Variants in FGF12 observed in about 807,000 individuals in gnomAD.
The protein encoded by FGF12 is fibroblast growth factor 12B.
In FGF12, 14 loss-of-function variants were observed where a neutral mutation model predicts 23.6. That is an observed-to-expected ratio of 0.59 (90% CI 0.39 to 0.93). FGF12 has a LOEUF of 0.93. FGF12 is among the 40% of genes least tolerant of loss of function. The pLI, the probability that FGF12 is intolerant of heterozygous loss-of-function variation, is 0.00. For synonymous variants in FGF12, 62 were observed against 77.3 expected (o/e 0.80, Z 1.04); for missense variants, 175 against 217.8 (o/e 0.80, Z 1.24).
rs528943302 is a variant in FGF12, at chr3:192,366,449, G to A, written c.14-5911C>T. ...TATCTAGAGAATTAATAGTACTTTT[G>A]ATAACAATGGCTGTATATTGAACCC... On this transcript the variant is annotated intron_variant, in intron 2 of 5. Coordinates refer to ENST00000445105, the MANE Select transcript of FGF12 (RefSeq NM_004113.6). Among the ~76,000 whole-genome samples the A allele has an allele frequency of 2.0e-5, 3 of 152,106 alleles. No homozygotes were observed. The South Asian group carries it at 6.2e-4, about 32-fold the overall frequency.
In FGF12 at chr3:192,168,420, T is replaced by C. The variant is rs369259884; in HGVS notation, c.427+2038A>G. On this transcript the variant is annotated intron_variant, in intron 5 of 5. Coordinates refer to ENST00000445105, the MANE Select transcript of FGF12 (RefSeq NM_004113.6). ...GGAATGTTTTTGTCTGCCTAATCCC[T>C]ACCTCTCATCTCAAATTGCAGGAAC... is the stretch of plus-strand genomic sequence containing the variant. Among the ~76,000 whole-genome samples the C allele has an allele frequency of 1.5e-4, 23 of 152,326 alleles. No homozygotes were observed. The East Asian group carries it at 4.2e-3, about 28-fold the overall frequency.
At chr3:192,478,954 C>T (rs1290983721) in intron 2 of FGF12, among the ~76,000 whole-genome samples, 1 of 152,076 alleles carries the variant, frequency 6.6e-6, no homozygotes, top group Non-Finnish European at 1.5e-5. Flanking sequence ...CACTTTTCTG[C>T]AGAACAGACA....
intron 4 of FGF12, among the ~76,000 whole-genome samples, chr3:192,327,268 A>T (rs1465830240): frequency 6.6e-6 from 1 of 152,188 alleles, no homozygotes; most frequent in Non-Finnish European, 1.5e-5. Flanking sequence ...AGCCATTAAT[A>T]TTGTTACCAT....
chr3:192,258,258 G>T (rs1712530085), intron 4 of FGF12, among the ~76,000 whole-genome samples: 1 of 152,104 alleles, frequency 6.6e-6, no homozygotes, highest in African/African-American at 2.4e-5. Flanking sequence ...AGAAGTTTCA[G>T]ACCAGCATGG....
intron 4 of FGF12, among the ~76,000 whole-genome samples, chr3:192,279,609 T>C (rs1024668598): frequency 1.3e-4 from 20 of 152,226 alleles, no homozygotes; most frequent in Non-Finnish European, 2.5e-4. Flanking sequence ...GCACATGATA[T>C]AGTGAGTGAG....
chr3:192,577,894 A>G (rs909689577), intron 2 of FGF12, among the ~76,000 whole-genome samples: 1 of 152,230 alleles, frequency 6.6e-6, no homozygotes, highest in Non-Finnish European at 1.5e-5. Context: ...AAGCCCTAAA[A>G]GGATGCTTCA....
At chr3:192,270,383 C>T (rs1022931474) in intron 4 of FGF12, among the ~76,000 whole-genome samples, 10 of 152,104 alleles carry the variant, frequency 6.6e-5, no homozygotes, top group African/African-American at 2.2e-4. Flanking sequence ...CATGCTATTC[C>T]ACTATATCAA....
chr3:192,301,897 C>A (rs2108660481), intron 4 of FGF12, among the ~76,000 whole-genome samples: 1 of 152,242 alleles, frequency 6.6e-6, no homozygotes, highest in African/African-American at 2.4e-5. Context: ...AATCCTTTGA[C>A]TGGAGCCCGA....
chr3:192,526,735 C>T (rs1724954611), intron 2 of FGF12, among the ~76,000 whole-genome samples: 1 of 152,058 alleles, frequency 6.6e-6, no homozygotes, highest in Non-Finnish European at 1.5e-5. Flanking sequence ...AAAACTTTAC[C>T]CGAGTTGCAG....
At position 192,514,613 on chromosome 3, in the gene FGF12, A is replaced by G; in HGVS notation, c.14-154075T>C. 1.2e-6 allele frequency: 1 copy of G among 830,440 alleles called. No individual in the cohort carries two copies. The highest frequency in any genetic ancestry group is 1.5e-6 in the Non-Finnish European group (1 of 688,432). 51.4% of individuals were successfully genotyped at this position (830,440 alleles called of 1,614,324 possible). ...GGGCGGCGGAGAGGGCCCCGGAAGA[A>G]GGGAAGGGGGCATTCTGCAGTGTTT... On this transcript the variant is annotated intron_variant, in intron 2 of 5. Transcript: ENST00000445105. The surrounding 1 kb of genome is among the most constrained non-coding windows in gnomAD (Gnocchi z 4.9).
intron 4 of FGF12, among the ~76,000 whole-genome samples, chr3:192,329,078 T>C (rs1044155941): frequency 6.6e-6 from 1 of 152,218 alleles, no homozygotes; most frequent in Non-Finnish European, 1.5e-5. Context: ...TTACTGAGAA[T>C]CTTCCTTTAC....
chr3:192,582,580 G>T (rs1262373278), intron 2 of FGF12, among the ~76,000 whole-genome samples: 1 of 152,054 alleles, frequency 6.6e-6, no homozygotes, highest in Non-Finnish European at 1.5e-5. Context: ...AGTCCTAAGG[G>T]TCAGGAGCTA....
At chr3:192,606,470 T>G (rs1440327621) in intron 2 of FGF12, among the ~76,000 whole-genome samples, 1 of 152,106 alleles carries the variant, frequency 6.6e-6, no homozygotes, top group Non-Finnish European at 1.5e-5. Flanking sequence ...CAAACCTCAG[T>G]ATCACACAAT....
At chr3:192,276,821 T>C (rs1278763749) in intron 4 of FGF12, among the ~76,000 whole-genome samples, 1 of 152,188 alleles carries the variant, frequency 6.6e-6, no homozygotes, top group African/African-American at 2.4e-5. Context: ...TAAGATTCCC[T>C]TTCCAGAGAG....
At chr3:192,146,272 A>ATATATTTTTTTT (rs746233904) in intron 5 of FGF12, among the ~76,000 whole-genome samples, 2 of 143,254 alleles carry the variant, frequency 1.4e-5, no homozygotes, top group African/African-American at 2.6e-5. Context: ...TAAAGTGTAT[A>ATATATTTTTTTT]TTTTTTTTTT....
At chr3:192,267,483 TAAC>T (rs1238945477) in intron 4 of FGF12, among the ~76,000 whole-genome samples, 6 of 152,132 alleles carry the variant, frequency 3.9e-5, no homozygotes, top group African/African-American at 1.4e-4. Flanking sequence ...ATGAGAATAT[TAAC>T]AACATTAGTA....
intron 2 of FGF12, among the ~76,000 whole-genome samples, chr3:192,407,177 A>T (rs1265873801): frequency 6.6e-6 from 1 of 152,150 alleles, no homozygotes; most frequent in African/African-American, 2.4e-5. Flanking sequence ...AAAAGCAATC[A>T]TCTGCGGTCG....
rs370538965 is a variant in FGF12, at chr3:192,142,250, T to C, written c.*1759A>G. 14 of 152,634 alleles carry C rather than the reference T, an allele frequency of 9.2e-5. No homozygotes were observed. In the East Asian group the frequency reaches 2.1e-3, roughly 23 times the overall value. 9.5% of individuals were successfully genotyped at this position (152,634 alleles called of 1,614,324 possible). ...CAGAAATAGGATACCTGGTGAAGGA[T>C]ATGGTCCACTATTGAAGAATAATGA... On this transcript the variant is annotated 3_prime_UTR_variant, in exon 6 of 6. Coordinates refer to ENST00000445105, the MANE Select transcript of FGF12 (RefSeq NM_004113.6).
intron 3 of FGF12, among the ~76,000 whole-genome samples, chr3:192,349,473 T>A (rs1241110518): frequency 6.6e-6 from 1 of 152,072 alleles, no homozygotes; most frequent in Non-Finnish European, 1.5e-5. Context: ...TCCTGCAACA[T>A]ATGTTTAAAT....
Sources: gnomAD v4.1 joint callset for allele counts (sites outside exome capture counted in the v4.1 genomes callset) on GRCh38, gnomAD v4.1.1 for gene constraint, Gnocchi (gnomAD v3.1) non-coding constraint, MANE v1.5 for transcripts, NCBI Gene and HGNC (gene_info 2026-07-23, HGNC 2026-07-21) for gene names.